Variants in TUSC3 observed in about 807,000 individuals in gnomAD.
The protein encoded by TUSC3 is tumor suppressor candidate 3, also known as dolichyl-diphosphooligosaccharide--protein glycosyltransferase subunit TUSC3.
A neutral mutation model predicts 44.8 loss-of-function variants in TUSC3; 45 were observed. The observed-to-expected ratio is 1.00, with a 90% CI of 0.79 to 1.29. The LOEUF (loss-of-function observed/expected upper bound fraction) is 1.29, where lower values mean the gene tolerates loss of function less well. Ranked by LOEUF, TUSC3 falls within the 50% of genes most tolerant of loss-of-function variation. The pLI, the probability that TUSC3 is intolerant of heterozygous loss-of-function variation, is 0.00. For missense variants in TUSC3, 519 were observed against 437.9 expected (o/e 1.19, Z -1.65); for synonymous variants, 212 against 152.9 (o/e 1.39, Z -2.85).
chr8:15,717,885 G>A (rs1381699082), intron 6 of TUSC3, among the ~76,000 whole-genome samples: 5 of 152,042 alleles, frequency 3.3e-5, no homozygotes, highest in Admixed American at 6.6e-5. Context: ...AATCTTGAGT[G>A]TTAAACAAAA....
the TUSC3 span, among the ~76,000 whole-genome samples, chr8:15,775,857 G>T: frequency 6.6e-6 from 1 of 150,876 alleles, no homozygotes; most frequent in Non-Finnish European, 1.5e-5. Flanking sequence ...TTCCTGTTGT[G>T]CCTTTATATA....
intron 1 of TUSC3, among the ~76,000 whole-genome samples, chr8:15,448,928 T>G (rs538477773): frequency 6.6e-6 from 1 of 152,276 alleles, no homozygotes; most frequent in East Asian, 1.9e-4. Flanking sequence ...GTGCTTTTAC[T>G]TTATTTTTTT....
In TUSC3 at chr8:15,765,745, G is replaced by T. The variant is rs551787418; in HGVS notation, c.*1589G>T. On this transcript the variant is annotated 3_prime_UTR_variant, in exon 11 of 11. Transcript: ENST00000503731. ...ATTTAGTTTTGGAATGACGTTTATG[G>T]AAAAGCAATAGATGAACTTAATCAT... The T allele has an allele frequency of 6.6e-6, 1 of 152,054 alleles. No homozygotes were observed. Among genetic ancestry groups the T allele is most frequent in the African/African-American group, 2.4e-5 (1 of 41,528 alleles). 9.4% of individuals were successfully genotyped at this position (152,054 alleles called of 1,614,324 possible).
At chr8:15,663,950 C>A (rs1807539788) in intron 5 of TUSC3, among the ~76,000 whole-genome samples, 1 of 151,758 alleles carries the variant, frequency 6.6e-6, no homozygotes, top group Non-Finnish European at 1.5e-5. Flanking sequence ...TTTTAGTCTA[C>A]CAAAAATTGA....
rs1034795395 is a variant in TUSC3, at chr8:15,440,945, T to C, written n.91+23640T>C. 1.8e-4 allele frequency among the ~76,000 whole-genome samples: 27 copies of C among 152,318 alleles called. 1 individual carries two copies. In the East Asian group the frequency reaches 4.8e-3, roughly 27 times the overall value. On this transcript the variant is annotated intron_variant and non_coding_transcript_variant, in intron 1 of 5. Coordinates refer to the TUSC3 transcript ENST00000503191. Reference sequence around the variant, plus strand: ...CAAGTTATGTTGATGGACCAATTTCTAGTAAGTTTTGCGGGTTCATAGATG... The same window carrying C: ...CAAGTTATGTTGATGGACCAATTTCCAGTAAGTTTTGCGGGTTCATAGATG...
intron 1 of TUSC3, among the ~76,000 whole-genome samples, chr8:15,479,036 T>C (rs771458558): frequency 6.6e-6 from 1 of 152,224 alleles, no homozygotes; most frequent in Non-Finnish European, 1.5e-5. Context: ...TAATTAGTGA[T>C]GTTGAACTTT....
chr8:15,463,476 C>T (rs550694184), intron 1 of TUSC3, among the ~76,000 whole-genome samples: 3 of 152,140 alleles, frequency 2.0e-5, no homozygotes, highest in South Asian at 2.1e-4. Flanking sequence ...AATAAACTCA[C>T]CTGATTGTGC....
At chr8:15,668,223 T>G (rs1807764276) in intron 5 of TUSC3, among the ~76,000 whole-genome samples, 1 of 151,708 alleles carries the variant, frequency 6.6e-6, no homozygotes, top group Non-Finnish European at 1.5e-5. Flanking sequence ...AATAAATAGG[T>G]TTAAGGACAT....
intron 1 of TUSC3, among the ~76,000 whole-genome samples, chr8:15,470,676 T>C (rs1009808675): frequency 6.6e-6 from 1 of 152,174 alleles, no homozygotes; most frequent in Non-Finnish European, 1.5e-5. Flanking sequence ...AGTCCTTTCA[T>C]TAAAACAGAT....
Position 15,608,801 on chromosome 8 carries a change from G to C in TUSC3, c.139-14279G>C, listed in dbSNP as rs1008709696. Among the ~76,000 whole-genome samples, 5 of 152,148 alleles carry C rather than the reference G, an allele frequency of 3.3e-5. No homozygotes were observed. In the South Asian group the frequency reaches 8.3e-4, roughly 25 times the overall value. ...GCTCTCCAGCCATGCGTAACTGTCA[G>C]TCAATTAAACCTCTTTCCTTTATAA... On this transcript the variant is annotated intron_variant, in intron 1 of 10. Transcript: ENST00000503731.
At chr8:15,659,095 T>C (rs1332577007) in intron 3 of TUSC3, among the ~76,000 whole-genome samples, 2 of 152,192 alleles carry the variant, frequency 1.3e-5, no homozygotes, top group East Asian at 3.8e-4. Flanking sequence ...ATGCTTATTT[T>C]TTAAAAACAA....
Position 15,445,315 on chromosome 8 carries a change from A to ATT in TUSC3, n.91+28023_91+28024dup, listed in dbSNP as rs772958943. Among the ~76,000 whole-genome samples, 6 of 143,436 alleles carry ATT rather than the reference A, an allele frequency of 4.2e-5. No homozygotes were observed. In the South Asian group the frequency reaches 6.7e-4, roughly 16 times the overall value. 94.1% of individuals were successfully genotyped at this position (143,436 alleles called of 152,430 possible). ...TAAAACTGATCTATCCCAGGATTTTATTTTTTTTTTTTTTAGTATTTATTG... is the reference window on the plus strand; with the variant it reads ...TAAAACTGATCTATCCCAGGATTTTATTTTTTTTTTTTTTTTAGTATTTATTG... On this transcript the variant is annotated intron_variant and non_coding_transcript_variant, in intron 1 of 5. Coordinates refer to the TUSC3 transcript ENST00000503191.
intron 2 of TUSC3, among the ~76,000 whole-genome samples, chr8:15,515,272 T>C (rs1029320178): frequency 6.6e-6 from 1 of 152,144 alleles, no homozygotes; most frequent in Non-Finnish European, 1.5e-5. Flanking sequence ...AATGAACATC[T>C]AGCTCTGTCA....
At chr8:15,419,733 T>C (rs959337923) in intron 1 of TUSC3, among the ~76,000 whole-genome samples, 4 of 152,232 alleles carry the variant, frequency 2.6e-5, no homozygotes, top group Non-Finnish European at 4.4e-5. Context: ...AGCTTGTCTT[T>C]GGCATAAACT....
At chr8:15,827,771 T>C in the TUSC3 span, among the ~76,000 whole-genome samples, 1 of 152,134 alleles carries the variant, frequency 6.6e-6, no homozygotes, top group African/African-American at 2.4e-5. Flanking sequence ...ATAACTGATT[T>C]GGATAATTTA....
intron 6 of TUSC3, among the ~76,000 whole-genome samples, chr8:15,707,017 A>G (rs183723650): frequency 2.0e-5 from 3 of 152,022 alleles, no homozygotes; most frequent in Non-Finnish European, 1.5e-5. Flanking sequence ...AGTATACTTT[A>G]TGGGTTTTGG....
At chr8:15,508,627 A>G (rs1801091863) in intron 2 of TUSC3, among the ~76,000 whole-genome samples, 1 of 151,768 alleles carries the variant, frequency 6.6e-6, no homozygotes, top group South Asian at 2.1e-4. Flanking sequence ...ATGCCCGGCT[A>G]ATTTTTTGTA....
intron 9 of TUSC3, among the ~76,000 whole-genome samples, chr8:15,752,549 A>C (rs1015934682): frequency 6.6e-6 from 1 of 152,138 alleles, no homozygotes; most frequent in African/African-American, 2.4e-5. Context: ...TTTTTCCAGA[A>C]CATCATAGTG....
intron 1 of TUSC3, among the ~76,000 whole-genome samples, chr8:15,553,978 A>G (rs1181257955): frequency 2.0e-5 from 3 of 151,702 alleles, no homozygotes; most frequent in African/African-American, 7.2e-5. Flanking sequence ...GATGGGCAGC[A>G]TATACACCAT....
Sources: gnomAD v4.1 joint callset for allele counts (sites outside exome capture counted in the v4.1 genomes callset) on GRCh38, gnomAD v4.1.1 for gene constraint, MANE v1.5 for transcripts, NCBI Gene and HGNC (gene_info 2026-07-23, HGNC 2026-07-21) for gene names.